AMMECR1: variants seen among roughly 807,000 people sequenced by gnomAD.
The protein encoded by AMMECR1 is AMMECR nuclear protein 1, also known as nuclear protein AMMECR1.
A neutral mutation model predicts 22.5 loss-of-function variants in AMMECR1; 3 were observed. The observed-to-expected ratio is 0.13, with a 90% confidence interval of 0.06 to 0.35. AMMECR1 has a LOEUF of 0.35. AMMECR1 is among the 10% of genes least tolerant of loss of function. The probability of loss-of-function intolerance (pLI) is 1.00; values close to 1 mark genes in which losing one functional copy is unlikely to be tolerated. For missense variants in AMMECR1, 235 were observed against 278.7 expected (o/e 0.84, Z 1.12); for synonymous variants, 130 against 116.7 (o/e 1.11, Z -0.74).
At chrX:110,405,186 T>C (rs1245417744) in intron 2 of AMMECR1, among the ~76,000 whole-genome samples, 1 of 109,282 alleles carries the variant, frequency 9.2e-6, no homozygotes, top group Non-Finnish European at 1.9e-5. Flanking sequence ...CAGGTCATTC[T>C]TTTTAAAAAG....
At chrX:110,436,653 C>T (rs1389774368) in intron 1 of AMMECR1, among the ~76,000 whole-genome samples, 1 of 111,897 alleles carries the variant, frequency 8.9e-6, no homozygotes, top group African/African-American at 3.3e-5. Flanking sequence ...CTTGTCACCA[C>T]ATACCTTGAA....
intron 2 of AMMECR1, among the ~76,000 whole-genome samples, chrX:110,357,151 ACT>A (rs1357408511): frequency 2.7e-5 from 3 of 111,304 alleles, no homozygotes; most frequent in Non-Finnish European, 3.8e-5. Flanking sequence ...GAAATTTAAC[ACT>A]CTATTTTTGA....
intron 2 of AMMECR1, among the ~76,000 whole-genome samples, chrX:110,253,937 T>C (rs937483560): frequency 5.4e-5 from 6 of 111,804 alleles, no homozygotes; most frequent in African/African-American, 1.6e-4. Flanking sequence ...GATAGCTAAG[T>C]TTTGGGTAGT....
chrX:110,344,586 A>G (rs2068180304), intron 2 of AMMECR1, among the ~76,000 whole-genome samples: 1 of 111,441 alleles, frequency 9.0e-6, no homozygotes, highest in African/African-American at 3.3e-5. Context: ...AATTTTTGCA[A>G]TCCACCCATC....
intron 3 of AMMECR1, among the ~76,000 whole-genome samples, chrX:110,213,264 C>T (rs1228484156): frequency 8.9e-6 from 1 of 111,773 alleles, no homozygotes; most frequent in Non-Finnish European, 1.9e-5. Flanking sequence ...AGTCACTTCC[C>T]ATTTACCCCT....
At chrX:110,431,323 CTGTGTGTGTG>C (rs759432836) in intron 1 of AMMECR1, among the ~76,000 whole-genome samples, 3 of 94,946 alleles carry the variant, frequency 3.2e-5, no homozygotes, top group African/African-American at 8.1e-5. Flanking sequence ...GAGGGGAAGG[CTGTGTGTGTG>C]TGTGTGTGTG....
intron 2 of AMMECR1, among the ~76,000 whole-genome samples, chrX:110,356,150 CT>C (rs1288370078): frequency 0.028 from 2,495 of 88,119 alleles, 93 homozygotes; most frequent in African/African-American, 0.095. Flanking sequence ...GAGGCATAAC[CT>C]TTTTTTTTTT....
chrX:110,303,789 G>A (rs906732130), intron 1 of AMMECR1, among the ~76,000 whole-genome samples: 18 of 112,159 alleles, frequency 1.6e-4, no homozygotes, highest in African/African-American at 5.8e-4. Context: ...TGAGCATTAC[G>A]CTAGTGTTGT....
chrX:110,200,682 A>G (rs1185697844), intron 5 of AMMECR1, among the ~76,000 whole-genome samples: 2 of 111,921 alleles, frequency 1.8e-5, no homozygotes, highest in African/African-American at 3.3e-5. Context: ...ACTTTCTCCA[A>G]TAAAGTAGTC....
At chrX:110,236,531 T>G (rs932563613) in intron 2 of AMMECR1, among the ~76,000 whole-genome samples, 1 of 112,381 alleles carries the variant, frequency 8.9e-6, no homozygotes, top group Non-Finnish European at 1.9e-5. Flanking sequence ...TTTTGGACTC[T>G]TTATCCCCAT....
chrX:110,280,161 A>T (rs1467737233), intron 1 of AMMECR1, among the ~76,000 whole-genome samples: 1 of 111,383 alleles, frequency 9.0e-6, no homozygotes, highest in Non-Finnish European at 1.9e-5. Flanking sequence ...AAAGAAAGGG[A>T]AACTGAGAAT....
intron 2 of AMMECR1, 113 bp downstream of exon 2, chrX:110,264,376 G>C (rs1183277842): frequency 2.2e-6 from 1 of 455,283 alleles, no homozygotes; most frequent in Non-Finnish European, 3.8e-6. Context: ...AACCTGACAT[G>C]AAGGAAGACA....
chrX:110,353,202 C>T (rs1018357945), intron 2 of AMMECR1, among the ~76,000 whole-genome samples: 3 of 110,541 alleles, frequency 2.7e-5, no homozygotes, highest in African/African-American at 6.6e-5. Context: ...TGAGTCTTCT[C>T]TCTGTTTTTC....
chrX:110,243,140 T>C (rs1180247931), intron 2 of AMMECR1, among the ~76,000 whole-genome samples: 2 of 112,058 alleles, frequency 1.8e-5, no homozygotes, highest in Non-Finnish European at 3.8e-5. Context: ...CAAAACTGAG[T>C]GATCCCAGAA....
intron 2 of AMMECR1, among the ~76,000 whole-genome samples, chrX:110,346,464 A>G (rs1057187626): frequency 8.9e-6 from 1 of 112,444 alleles, no homozygotes; most frequent in African/African-American, 3.2e-5. Flanking sequence ...ATTTTTTAAA[A>G]CTTGCACACT....
chrX:110,373,133 C>T (rs2068351022), intron 2 of AMMECR1, among the ~76,000 whole-genome samples: 1 of 111,662 alleles, frequency 9.0e-6, no homozygotes, highest in Admixed American at 9.5e-5. Flanking sequence ...GGGAGTAAAA[C>T]GTTTAAGTAA....
At chrX:110,370,285 T>C (rs1296821998) in intron 2 of AMMECR1, among the ~76,000 whole-genome samples, 1 of 112,124 alleles carries the variant, frequency 8.9e-6, no homozygotes, top group Admixed American at 9.4e-5. Context: ...ATTGGTTCAC[T>C]GAAAACTTCC....
At chrX:110,271,986 C>A (rs753004406) in intron 1 of AMMECR1, among the ~76,000 whole-genome samples, 24 of 110,923 alleles carry the variant, frequency 2.2e-4, no homozygotes, top group African/African-American at 6.6e-4. Flanking sequence ...GAGGCCAAAG[C>A]GGGCTGATCA....
chrX:110,220,776 G>A (rs905434767), intron 2 of AMMECR1, among the ~76,000 whole-genome samples: 1 of 110,321 alleles, frequency 9.1e-6, no homozygotes, highest in Non-Finnish European at 1.9e-5. Context: ...GTTAACATTT[G>A]TCAAAGTTAA....
Sources: allele counts gnomAD v4.1 joint callset (sites outside exome capture counted in the v4.1 genomes callset), GRCh38; gene constraint gnomAD v4.1.1; transcripts MANE v1.5; gene names NCBI Gene and HGNC (gene_info 2026-07-23, HGNC 2026-07-21).